The following MX1 variants were observed in gnomAD, a reference collection of about 807,000 sequenced individuals.
The protein encoded by MX1 is interferon-induced GTP-binding protein Mx1.
Under a neutral mutation model 66.4 loss-of-function variants are expected in MX1, and 66 were observed. The ratio of observed to expected loss-of-function variants is 0.99; its 90% CI spans 0.82 to 1.22. MX1 has a LOEUF of 1.22. MX1 is among the 50% of genes most tolerant of loss of function. The pLI is 0.00. For synonymous variants in MX1, 311 were observed against 318.1 expected (o/e 0.98, Z 0.24); for missense variants, 787 against 834.3 (o/e 0.94, Z 0.70).
intron 15 of MX1, among the ~76,000 whole-genome samples, chr21:41,451,697 T>C (rs1306020134): frequency 6.6e-6 from 1 of 151,594 alleles, no homozygotes; most frequent in South Asian, 2.1e-4. Flanking sequence ...TAGCTGGACG[T>C]GGTGGTGCAT....
intron 16 of MX1, among the ~76,000 whole-genome samples, chr21:41,456,665 G>A (rs1488137740): frequency 6.6e-6 from 1 of 152,164 alleles, no homozygotes; most frequent in Admixed American, 6.5e-5. Flanking sequence ...CTGGGGAAAG[G>A]ATGGCTTATT....
At chr21:41,425,903 T>G (rs1283895252), upstream of MX1, 1 of 152,358 alleles carries the variant, frequency 6.6e-6, no homozygotes, top group Non-Finnish European at 1.5e-5. Context: ...TACCAATGCA[T>G]CTGTTTTCAA....
At chr21:41,434,309 T>TA (rs774898359) in intron 5 of MX1, among the ~76,000 whole-genome samples, 6 of 152,244 alleles carry the variant, frequency 3.9e-5, no homozygotes, top group Non-Finnish European at 5.9e-5. Flanking sequence ...TCTCTGTTTT[T>TA]ATGCAAGTAC....
intron 4 of MX1, 79 bp from the exon 5 acceptor site, chr21:41,431,971 G>A (rs372787986): frequency 5.1e-5 from 60 of 1,174,674 alleles, no homozygotes; most frequent in East Asian, 1.2e-4. Flanking sequence ...GGGGCCTTCC[G>A]TTCTGGTGGT....
intron 3 of MX1, among the ~76,000 whole-genome samples, chr21:41,430,156 G>T (rs1274985394): frequency 1.3e-5 from 2 of 152,044 alleles, no homozygotes. Context: ...TGTGCAGCTA[G>T]ATATGTTACA....
rs771984583 is a variant in MX1, at chr21:41,443,850, T to C, written c.992T>C (p.Leu331Pro). ...CTGGCAGAAAAACTTACCAGCGAGC[T>C]CATCACACATATCTGTGTAAGCACG... ...PCLAEKLTSE[L>P]ITHICKSLPL... Residue 331 changes from leucine to proline, a missense_variant, in exon 11 of 17, where the codon CTC becomes CCC. Physicochemically the swap from Leu to Pro is moderately conservative, Grantham distance 98. Transcript: ENST00000398598. The C allele has an allele frequency of 1.9e-6, 3 of 1,614,220 alleles. No individual in the cohort carries two copies. The highest frequency in any genetic ancestry group is 2.5e-6 in the Non-Finnish European group (3 of 1,180,034).
intron 3 of MX1, chr21:41,429,273 A>G (rs1337444983): frequency 1.3e-5 from 2 of 152,212 alleles, no homozygotes; most frequent in African/African-American, 4.8e-5. Flanking sequence ...ATGATCAGGG[A>G]AAGGTACAAA....
rs1279552040 is a variant in MX1, at chr21:41,451,844, AAAAAAAACAAAC to A, written c.1509+610_1509+621del. The stretch of plus-strand genomic sequence containing the variant: ...AGCGAGACCCCGTCTCAAAAAAAAA[AAAAAAAACAAAC>A]AAAAAAACTTTCCATCCAGAGTGAG... On this transcript the variant is annotated intron_variant, in intron 15 of 16. Transcript: ENST00000398598. 9.2e-4 allele frequency among the ~76,000 whole-genome samples: 134 copies of A among 144,998 alleles called. 8 individuals are homozygous for A. The highest frequency in any genetic ancestry group is 3.4e-3 in the African/African-American group (127 of 37,822).
chr21:41,435,761 T>A, intron 5 of MX1, 76 bp from the exon 6 acceptor site: 1 of 1,485,058 alleles, frequency 6.7e-7, no homozygotes, highest in East Asian at 2.3e-5. Flanking sequence ...GAGATTTGGG[T>A]AGGGACACAG....
At chr21:41,439,603 A>G in intron 7 of MX1, 91 bp from the exon 8 acceptor site, 1 of 1,227,754 alleles carries the variant, frequency 8.1e-7, no homozygotes, top group Admixed American at 1.9e-5. Context: ...TGACTCGCAG[A>G]GAGGAGAAGA....
At chr21:41,453,061 G>A (rs1240903611) in intron 16 of MX1, among the ~76,000 whole-genome samples, 192 bp downstream of exon 16, 1 of 152,170 alleles carries the variant, frequency 6.6e-6, no homozygotes, top group African/African-American at 2.4e-5. Context: ...ATTTACAAAA[G>A]AAAGAGGTTT....
At chr21:41,453,401 G>C (rs2090884844) in intron 16 of MX1, among the ~76,000 whole-genome samples, 1 of 152,236 alleles carries the variant, frequency 6.6e-6, no homozygotes, top group Admixed American at 6.5e-5. Flanking sequence ...CAGACAGAGA[G>C]ATGGTGGCTT....
rs1030574169 is a variant in MX1, at chr21:41,441,603, T to C, written c.731-113T>C. The C allele has an allele frequency of 3.6e-6, 4 of 1,098,876 alleles. No homozygotes were observed. The African/African-American group carries it at 6.1e-5, about 17-fold the overall frequency. 68.1% of individuals were successfully genotyped at this position (1,098,876 alleles called of 1,614,324 possible). ...ATGGTTCTGCAGGGGCTATGGCCTG[T>C]CCTCAAGCAAGGATGGGAGGAAACC... is the stretch of plus-strand genomic sequence containing the variant. On this transcript the variant is annotated intron_variant, in intron 9 of 16. Coordinates refer to ENST00000398598, the MANE Select transcript of MX1 (RefSeq NM_002462.5). The surrounding 1 kb of genome is among the most constrained non-coding windows in gnomAD (Gnocchi z 4.0).
At chr21:41,451,079 A>G (rs917840469) in intron 14 of MX1, 88 bp from the exon 15 acceptor site, 3 of 883,656 alleles carry the variant, frequency 3.4e-6, no homozygotes, top group South Asian at 1.4e-5. Context: ...ACTTTACTTC[A>G]TACCATTTGA....
chr21:41,451,047 G>A, intron 14 of MX1, 120 bp from the exon 15 acceptor site: 1 of 651,548 alleles, frequency 1.5e-6, no homozygotes, highest in South Asian at 2.0e-5. Context: ...GTAAAGAGAA[G>A]AAGGGAGCGG....
At position 41,441,826 on chromosome 21, in the gene MX1, C is replaced by T. The variant is rs201330424; in HGVS notation, c.841C>T (p.Arg281Trp). ...GAAGGGTTACATGATTGTCAAGTGC[C>T]GGGGCCAGCAGGAGATCCAGGACCA... is the stretch of plus-strand genomic sequence containing the variant. ...LKKGYMIVKC[R>W]GQQEIQDQLS... Residue 281 changes from arginine (R) to tryptophan (W), a missense_variant, in exon 10 of 17, where the codon CGG becomes TGG. Arg to Trp is a moderately radical substitution (Grantham distance 101, BLOSUM62 -3). Transcript: ENST00000398598. This position sits in a 1 kb window ranked among gnomAD's most constrained non-coding sequence, Gnocchi z 4.0. The T allele has an allele frequency of 1.9e-6, 3 of 1,614,002 alleles. No homozygotes were observed. The highest frequency in any genetic ancestry group is 1.3e-5 in the African/African-American group (1 of 74,888).
intron 16 of MX1, 81 bp from the exon 17 acceptor site, chr21:41,458,447 C>G: frequency 1.7e-6 from 2 of 1,168,168 alleles, no homozygotes; most frequent in Non-Finnish European, 2.3e-6. Context: ...ATCTGGATCC[C>G]CTCATGTGCA....
intron 16 of MX1, among the ~76,000 whole-genome samples, chr21:41,454,608 G>A (rs1024742451): frequency 1.3e-5 from 2 of 152,178 alleles, no homozygotes; most frequent in African/African-American, 4.8e-5. Context: ...AAGCTATCGC[G>A]TAGACACATG....
At chr21:41,424,048 G>A (rs901431490), upstream of MX1, among the ~76,000 whole-genome samples, 7 of 152,206 alleles carry the variant, frequency 4.6e-5, no homozygotes, top group African/African-American at 1.7e-4. Context: ...GGAAACAGCA[G>A]CAGCATCACC....
Sources: allele counts gnomAD v4.1 joint callset (sites outside exome capture counted in the v4.1 genomes callset), GRCh38; gene constraint gnomAD v4.1.1; non-coding constraint Gnocchi (gnomAD v3.1); transcripts MANE v1.5; gene names NCBI Gene and HGNC (gene_info 2026-07-23, HGNC 2026-07-21).